TNNI3K: variants seen among roughly 807,000 people sequenced by gnomAD.
TNNI3K encodes the protein TNNI3 interacting kinase.
TNNI3K carries 140 observed loss-of-function variants against 114.5 expected under a neutral mutation model. That is an observed-to-expected ratio of 1.22 (90% CI 1.07 to 1.41). The LOEUF (loss-of-function observed/expected upper bound fraction) is 1.41. Among genes scored for constraint, TNNI3K ranks in the 40% most tolerant of loss-of-function variants. The pLI is 0.00. For synonymous variants in TNNI3K, 347 were observed against 347.5 expected, an observed-to-expected ratio of 1.00 and a Z score of 0.02; for missense variants, 1,125 against 1,007.6, an observed-to-expected ratio of 1.12 and a Z score of -1.58.
At chr1:74,383,449 G>T (rs1187574548) in intron 17 of TNNI3K, among the ~76,000 whole-genome samples, 1 of 151,644 alleles carries the variant, frequency 6.6e-6, no homozygotes, top group Non-Finnish European at 1.5e-5. Context: ...TCTCTTCTCT[G>T]TGCCCCTCCT....
At chr1:74,418,624 A>G (rs995514997) in intron 17 of TNNI3K, among the ~76,000 whole-genome samples, 1 of 152,042 alleles carries the variant, frequency 6.6e-6, no homozygotes, top group African/African-American at 2.4e-5. Context: ...AATTTACGGA[A>G]AATGGTTGGC....
At chr1:74,523,555 G>A (rs1404063669) in intron 23 of TNNI3K, among the ~76,000 whole-genome samples, 1 of 152,134 alleles carries the variant, frequency 6.6e-6, no homozygotes, top group Non-Finnish European at 1.5e-5. Context: ...CTGGCCATTA[G>A]CTGCTTATAG....
intron 17 of TNNI3K, among the ~76,000 whole-genome samples, chr1:74,417,734 C>CAG (rs373459381): frequency 5.9e-4 from 55 of 93,040 alleles, no homozygotes; most frequent in South Asian, 3.1e-3. Context: ...GTGTGTGTGT[C>CAG]AGAGAGAGAG....
At chr1:74,432,554 C>T (rs1665947411) in intron 17 of TNNI3K, among the ~76,000 whole-genome samples, 2 of 152,064 alleles carry the variant, frequency 1.3e-5, no homozygotes, top group Admixed American at 6.6e-5. Flanking sequence ...GATTATGCTT[C>T]CTTAACCTAC....
At chr1:74,293,490 G>C (rs897476332) in intron 5 of TNNI3K, among the ~76,000 whole-genome samples, 2 of 151,410 alleles carry the variant, frequency 1.3e-5, no homozygotes, top group African/African-American at 4.8e-5. Context: ...TGTGATTTTT[G>C]ATAGAACTAT....
chr1:74,460,234 AT>A (rs1303508393), intron 20 of TNNI3K, among the ~76,000 whole-genome samples: 1 of 152,012 alleles, frequency 6.6e-6, no homozygotes, highest in African/African-American at 2.4e-5. Context: ...CGTCCAGCTA[AT>A]TTTTTGTGTT....
At chr1:74,539,725 A>G (rs1646703143) in intron 23 of TNNI3K, among the ~76,000 whole-genome samples, 1 of 152,120 alleles carries the variant, frequency 6.6e-6, no homozygotes, top group South Asian at 2.1e-4. Context: ...TGTTATCTAT[A>G]AAATAAGGAA....
chr1:74,544,335 G>T lies in TNNI3K; in HGVS notation c.*353G>T. 1 of 189,774 alleles carries T rather than the reference G, an allele frequency of 5.3e-6. No individual in the cohort carries two copies. The highest frequency in any genetic ancestry group is 1.1e-5 in the Non-Finnish European group (1 of 93,776). The allele number at this position is 189,774 out of a possible 1,614,324, so 11.8% of individuals were successfully genotyped here. A position where few individuals can be genotyped will look rare whatever the true frequency, so the allele number is the denominator to read the frequency against. ...GTAGACTTGTGTTTGACAGCTATGG[G>T]TTTATTTCTTAGAACATTGTTCATT... On this transcript the variant is annotated 3_prime_UTR_variant, in exon 25 of 25. Transcript: ENST00000326637.
chr1:74,449,622 A>T (rs1039199571), intron 20 of TNNI3K, among the ~76,000 whole-genome samples: 27 of 151,834 alleles, frequency 1.8e-4, no homozygotes, highest in Admixed American at 1.2e-3. Context: ...TCGATAAAAC[A>T]GACTTTAAAC....
chr1:74,542,212 C>G (rs1646735593), intron 24 of TNNI3K, among the ~76,000 whole-genome samples: 1 of 152,146 alleles, frequency 6.6e-6, no homozygotes, highest in Non-Finnish European at 1.5e-5. Flanking sequence ...GCCCACCCAC[C>G]CTTTGGGGAC....
intron 5 of TNNI3K, among the ~76,000 whole-genome samples, chr1:74,293,896 A>T (rs1657822379): frequency 6.6e-6 from 1 of 151,734 alleles, no homozygotes; most frequent in Non-Finnish European, 1.5e-5. Context: ...TTAGTCCACA[A>T]TTACTATTAA....
chr1:74,463,986 C>A (rs549259456), intron 21 of TNNI3K, among the ~76,000 whole-genome samples: 5 of 152,334 alleles, frequency 3.3e-5, no homozygotes, highest in African/African-American at 1.2e-4. Flanking sequence ...GGGTCCTAAT[C>A]CCTCTCTAAC....
intron 4 of TNNI3K, among the ~76,000 whole-genome samples, chr1:74,261,832 ATATTTCT>A (rs1655694129): frequency 6.6e-6 from 1 of 152,144 alleles, no homozygotes; most frequent in African/African-American, 2.4e-5. Context: ...CCCATCCTAT[ATATTTCT>A]TGCAAGATTT....
chr1:74,249,270 C>A (rs1654779767), intron 2 of TNNI3K, among the ~76,000 whole-genome samples, 189 bp from the exon 3 acceptor site: 1 of 151,976 alleles, frequency 6.6e-6, no homozygotes, highest in South Asian at 2.1e-4. Context: ...CAATGTAAAA[C>A]TACAGAATTT....
chr1:74,420,754 T>C (rs551875543), intron 17 of TNNI3K, among the ~76,000 whole-genome samples: 2 of 152,298 alleles, frequency 1.3e-5, no homozygotes, highest in East Asian at 3.9e-4. Flanking sequence ...CAGAGAACAT[T>C]ATCACATGGT....
At chr1:74,494,084 C>T (rs1669212854) in intron 23 of TNNI3K, among the ~76,000 whole-genome samples, 1 of 152,058 alleles carries the variant, frequency 6.6e-6, no homozygotes, top group Non-Finnish European at 1.5e-5. Flanking sequence ...ACTTTCCAAC[C>T]CATGGAAGAC....
chr1:74,445,507 G>C (rs1238301363), intron 20 of TNNI3K, among the ~76,000 whole-genome samples: 1 of 148,284 alleles, frequency 6.7e-6, no homozygotes. Context: ...TACTGAGAAT[G>C]ATGATTTCCA....
intron 17 of TNNI3K, among the ~76,000 whole-genome samples, chr1:74,389,797 A>G (rs979792519): frequency 6.6e-6 from 1 of 152,220 alleles, no homozygotes; most frequent in Admixed American, 6.5e-5. Context: ...TTTCAGGAAA[A>G]CAAAAGGTTA....
intron 21 of TNNI3K, among the ~76,000 whole-genome samples, chr1:74,482,386 T>G (rs1389301651): frequency 6.6e-6 from 1 of 152,204 alleles, no homozygotes; most frequent in East Asian, 1.9e-4. Context: ...ATCAACTGTC[T>G]CTGATCAGGA....
Sources: gnomAD v4.1 joint callset for allele counts (sites outside exome capture counted in the v4.1 genomes callset) on GRCh38, gnomAD v4.1.1 for gene constraint, MANE v1.5 for transcripts, NCBI Gene and HGNC (gene_info 2026-07-23, HGNC 2026-07-21) for gene names.